BRINP2: variants seen among roughly 807,000 people sequenced by gnomAD.
The protein encoded by BRINP2 is BMP/retinoic acid-inducible neural-specific protein 2.
BRINP2 carries 21 observed loss-of-function variants against 69.2 expected under a neutral mutation model. That is an observed-to-expected ratio of 0.30 (90% confidence interval 0.22 to 0.44). The LOEUF (loss-of-function observed/expected upper bound fraction) is 0.44. Among genes scored for constraint, BRINP2 ranks in the 20% least tolerant of loss-of-function variants. The pLI is 1.00. For synonymous variants in BRINP2, 380 were observed against 394.1 expected (o/e 0.96, Z 0.42); for missense variants, 877 against 986.0 (o/e 0.89, Z 1.48).
chr1:177,181,543 G>A (rs1029156640), intron 1 of BRINP2, among the ~76,000 whole-genome samples: 3 of 152,242 alleles, frequency 2.0e-5, no homozygotes, highest in African/African-American at 4.8e-5. Flanking sequence ...TACTGGAAGA[G>A]TGTGAGGTGG....
intron 2 of BRINP2, among the ~76,000 whole-genome samples, chr1:177,247,828 G>A (rs111821191): frequency 6.6e-6 from 1 of 152,206 alleles, no homozygotes; most frequent in African/African-American, 2.4e-5. Context: ...TGGCTCTGCT[G>A]GAAGCAGCAT....
chr1:177,199,551 C>A (rs1327823829), intron 1 of BRINP2, among the ~76,000 whole-genome samples: 1 of 152,172 alleles, frequency 6.6e-6, no homozygotes, highest in East Asian at 1.9e-4. Flanking sequence ...CCTTTGTATT[C>A]AAGAGGAGTC....
rs1467292317 is a variant in BRINP2, at chr1:177,282,178, C to T, written c.*650C>T. ...TCCCTCTGCTGCCTCCTCCCCCCAC[C>T]AAGTTTCAGGGCCCTGGATTGTTCC... is the stretch of plus-strand genomic sequence containing the variant. On this transcript the variant is annotated 3_prime_UTR_variant, in exon 8 of 8. Transcript: ENST00000361539. 6.6e-6 allele frequency: 1 copy of T among 152,580 alleles called. No homozygotes were observed. Among genetic ancestry groups the T allele is most frequent in the African/African-American group, 2.4e-5 (1 of 41,414 alleles). 9.5% of individuals were successfully genotyped at this position (152,580 alleles called of 1,614,324 possible). A position where few individuals can be genotyped will look rare whatever the true frequency, so the allele number is the denominator to read the frequency against.
intron 2 of BRINP2, among the ~76,000 whole-genome samples, chr1:177,246,155 T>C (rs1164827382): frequency 6.6e-6 from 1 of 152,192 alleles, no homozygotes; most frequent in East Asian, 1.9e-4. Context: ...GAGATATTAC[T>C]TAACCAAACA....
intron 1 of BRINP2, among the ~76,000 whole-genome samples, chr1:177,219,331 T>C (rs779828266): frequency 2.6e-5 from 4 of 152,204 alleles, no homozygotes; most frequent in Non-Finnish European, 5.9e-5. Flanking sequence ...CAAAAGCCTA[T>C]GGGGGCCTAA....
chr1:177,260,985 AG>A (rs1342316281), intron 4 of BRINP2, among the ~76,000 whole-genome samples: 1 of 152,148 alleles, frequency 6.6e-6, no homozygotes, highest in African/African-American at 2.4e-5. Context: ...AAGAGGATAA[AG>A]GGTGATGGGG....
intron 1 of BRINP2, among the ~76,000 whole-genome samples, chr1:177,197,734 T>C (rs1218587171): frequency 6.6e-6 from 1 of 152,106 alleles, no homozygotes; most frequent in Admixed American, 6.5e-5. Context: ...AAAGATCATA[T>C]GCAAAAGGGC....
intron 1 of BRINP2, among the ~76,000 whole-genome samples, chr1:177,181,468 G>A (rs1056831195): frequency 6.6e-6 from 1 of 152,192 alleles, no homozygotes; most frequent in Non-Finnish European, 1.5e-5. Flanking sequence ...CCACCACGAG[G>A]CTGCCGGGCT....
chr1:177,199,619 G>T (rs534701232), intron 1 of BRINP2, among the ~76,000 whole-genome samples: 2 of 152,210 alleles, frequency 1.3e-5, no homozygotes, highest in African/African-American at 4.8e-5. Flanking sequence ...TTCAGAAAAG[G>T]CAGACAGCAT....
At chr1:177,216,782 T>G in intron 1 of BRINP2, among the ~76,000 whole-genome samples, 1 of 150,936 alleles carries the variant, frequency 6.6e-6, no homozygotes, top group East Asian at 1.9e-4. Context: ...GTTGGTAGTT[T>G]TTTTTTTTTT....
At chr1:177,190,403 A>G (rs1183014558) in intron 1 of BRINP2, among the ~76,000 whole-genome samples, 1 of 152,138 alleles carries the variant, frequency 6.6e-6, no homozygotes, top group Non-Finnish European at 1.5e-5. Context: ...TCTTCCACAT[A>G]TATTTCAAGT....
chr1:177,198,473 C>A (rs1648809309), intron 1 of BRINP2, among the ~76,000 whole-genome samples: 1 of 152,120 alleles, frequency 6.6e-6, no homozygotes, highest in African/African-American at 2.4e-5. Flanking sequence ...AGATGTGAGA[C>A]CTTGGCTTGA....
intron 1 of BRINP2, among the ~76,000 whole-genome samples, chr1:177,221,964 G>A (rs1362888398): frequency 6.6e-6 from 1 of 152,198 alleles, no homozygotes; most frequent in Non-Finnish European, 1.5e-5. Flanking sequence ...CAGACAACTG[G>A]GGAATCAAGT....
chr1:177,235,230 C>T (rs1366540534), intron 2 of BRINP2, among the ~76,000 whole-genome samples: 1 of 152,108 alleles, frequency 6.6e-6, no homozygotes, highest in African/African-American at 2.4e-5. Context: ...AAGATGGCAT[C>T]AGAGCTTGAG....
chr1:177,201,423 T>A (rs1036882644), intron 1 of BRINP2, among the ~76,000 whole-genome samples: 1 of 152,242 alleles, frequency 6.6e-6, no homozygotes, highest in Non-Finnish European at 1.5e-5. Context: ...CAGTTTTCTC[T>A]TGAGGCCCAA....
chr1:177,202,041 GT>G (rs1571895244), intron 1 of BRINP2, among the ~76,000 whole-genome samples: 1 of 152,298 alleles, frequency 6.6e-6, no homozygotes, highest in East Asian at 1.9e-4. Flanking sequence ...GGGATCGGTG[GT>G]GATATCCCCT....
rs116576009 is a variant in BRINP2 at position 177,207,506 on chromosome 1, T to C, written c.-76-22295T>C. 1.0e-3 allele frequency among the ~76,000 whole-genome samples: 157 copies of C among 152,262 alleles called. 1 individual carries two copies. Among genetic ancestry groups the C allele is most frequent in the African/African-American group, 3.7e-3 (155 of 41,560 alleles). On this transcript the variant is annotated intron_variant, in intron 1 of 7. Transcript: ENST00000361539. ...GGCATTTGTTGGAACCAGAGATTTG[T>C]CAGAGGAGTGGGGTGCAACCAAGGG...
At chr1:177,217,672 T>G (rs1188405576) in intron 1 of BRINP2, among the ~76,000 whole-genome samples, 1 of 152,186 alleles carries the variant, frequency 6.6e-6, no homozygotes, top group Non-Finnish European at 1.5e-5. Flanking sequence ...CACTAGTTAA[T>G]CTACCCCTAT....
chr1:177,226,186 A>G (rs1558166457), intron 1 of BRINP2, among the ~76,000 whole-genome samples: 1 of 152,246 alleles, frequency 6.6e-6, no homozygotes, highest in Non-Finnish European at 1.5e-5. Flanking sequence ...ACACCACCAT[A>G]TTGCAACACA....
Sources: allele counts gnomAD v4.1 joint callset (sites outside exome capture counted in the v4.1 genomes callset), GRCh38; gene constraint gnomAD v4.1.1; transcripts MANE v1.5; gene names NCBI Gene and HGNC (gene_info 2026-07-23, HGNC 2026-07-21).